The following RBM6 variants were observed in gnomAD, a reference collection of about 807,000 sequenced individuals.
The protein encoded by RBM6 is RNA-binding protein 6.
Under a neutral mutation model 140.4 loss-of-function variants are expected in RBM6, and 23 were observed. That is an observed-to-expected ratio of 0.16 (90% CI 0.12 to 0.23). RBM6 has a LOEUF of 0.23. RBM6 is among the 10% of genes least tolerant of loss of function. The pLI is 1.00. For synonymous variants in RBM6, 439 were observed against 475.6 expected, an observed-to-expected ratio of 0.92 and a Z score of 1.00; for missense variants, 1,139 against 1,386.7, an observed-to-expected ratio of 0.82 and a Z score of 2.84.
At chr3:49,989,993 C>G (rs1350045557) in intron 5 of RBM6, among the ~76,000 whole-genome samples, 1 of 152,100 alleles carries the variant, frequency 6.6e-6, no homozygotes, top group Non-Finnish European at 1.5e-5. Context: ...GTGATCTGCC[C>G]GCCTTGGCTT....
intron 5 of RBM6, among the ~76,000 whole-genome samples, chr3:49,996,454 A>G (rs893532472): frequency 6.6e-6 from 1 of 152,190 alleles, no homozygotes; most frequent in Non-Finnish European, 1.5e-5. Context: ...TACATTTTAC[A>G]TAATTATCCA....
chr3:49,977,609 A>G lies in RBM6; in HGVS notation c.1483+2217A>G, dbSNP rs149747316. On this transcript the variant is annotated intron_variant, in intron 5 of 20. Coordinates refer to ENST00000266022, the MANE Select transcript of RBM6 (RefSeq NM_005777.3). ...AGGAGCCTTATTCCTTCTTGTTTCC[A>G]CCAGTGCTTGACACTCGGTAGGTTC... Among the ~76,000 whole-genome samples, 144 of 152,192 alleles carry G rather than the reference A, an allele frequency of 9.5e-4. 5 individuals are homozygous for G. In the East Asian group the frequency reaches 0.025, roughly 26 times the overall value.
chr3:50,054,049 A>G (rs2089598601), intron 7 of RBM6: 1 of 325,094 alleles, frequency 3.1e-6, no homozygotes, highest in East Asian at 5.5e-5. Context: ...ACCATGTAAC[A>G]GTAGTTTTCT....
At chr3:49,946,060 A>G (rs561390417) in intron 1 of RBM6, among the ~76,000 whole-genome samples, 1 of 152,086 alleles carries the variant, frequency 6.6e-6, no homozygotes, top group Non-Finnish European at 1.5e-5. Context: ...CCTCACCTAA[A>G]ACAAACCTTG....
Position 49,968,322 on chromosome 3 carries a change from T to C in RBM6, c.897T>C (p.Ser299=). Residue 299 remains serine (S), a synonymous_variant, in exon 3 of 21, where the codon TCT becomes TCC. Transcript: ENST00000266022. Reference sequence around the variant, plus strand: ...ATATTTTGGATTACATTCAGCCCTCTACACAAGATAGAGAACATTCTGGTA... The same window carrying C: ...ATATTTTGGATTACATTCAGCCCTCCACACAAGATAGAGAACATTCTGGTA... ...DPNILDYIQP[S]TQDREHSGMN... 2 of 1,614,140 alleles carry C rather than the reference T, an allele frequency of 1.2e-6. No individual in the cohort carries two copies. Among genetic ancestry groups the C allele is most frequent in the Non-Finnish European group, 8.5e-7 (1 of 1,180,028 alleles).
chr3:50,018,581 G>GTTTTTTT (rs58115280), intron 6 of RBM6, among the ~76,000 whole-genome samples: 2 of 63,554 alleles, frequency 3.1e-5, no homozygotes, highest in Non-Finnish European at 5.5e-5. Flanking sequence ...GTAGGAGTGT[G>GTTTTTTT]TTTTTTTTTT....
At chr3:50,052,559 T>C (rs1045140469) in intron 7 of RBM6, among the ~76,000 whole-genome samples, 1 of 152,226 alleles carries the variant, frequency 6.6e-6, no homozygotes, top group East Asian at 1.9e-4. Context: ...TATAGGTTTA[T>C]TCCTAGATTC....
intron 6 of RBM6, among the ~76,000 whole-genome samples, chr3:50,008,935 G>T (rs1373047742): frequency 2.0e-5 from 3 of 152,176 alleles, no homozygotes; most frequent in Non-Finnish European, 4.4e-5. Context: ...CAGTTGTGAG[G>T]TTAGAGTATG....
At chr3:50,031,947 A>G (rs553144840) in intron 6 of RBM6, among the ~76,000 whole-genome samples, 11 of 152,268 alleles carry the variant, frequency 7.2e-5, no homozygotes, top group African/African-American at 2.6e-4. Flanking sequence ...CATCTCCTGT[A>G]CTCCATAAAT....
At chr3:50,039,237 A>T (rs1479217778) in intron 6 of RBM6, among the ~76,000 whole-genome samples, 2 of 151,928 alleles carry the variant, frequency 1.3e-5, no homozygotes, top group Non-Finnish European at 1.5e-5. Flanking sequence ...ATAAATTATT[A>T]TTATTTATTT....
chr3:50,001,181 C>T (rs2086311569), intron 6 of RBM6, among the ~76,000 whole-genome samples: 1 of 152,128 alleles, frequency 6.6e-6, no homozygotes, highest in South Asian at 2.1e-4. Context: ...AAAAATAATA[C>T]AGGCCAGGAG....
intron 11 of RBM6, among the ~76,000 whole-genome samples, 169 bp downstream of exon 11, chr3:50,059,915 C>T (rs773718444): frequency 6.6e-6 from 1 of 152,168 alleles, no homozygotes; most frequent in Non-Finnish European, 1.5e-5. Context: ...TCCTGACTCT[C>T]GAATTGTTTT....
intron 19 of RBM6, among the ~76,000 whole-genome samples, chr3:50,070,816 A>T (rs1303447012): frequency 6.6e-6 from 1 of 152,204 alleles, no homozygotes; most frequent in South Asian, 2.1e-4. Context: ...TGTCTTCATC[A>T]GTAATACTGC....
intron 5 of RBM6, among the ~76,000 whole-genome samples, chr3:49,986,240 C>T (rs1478493733): frequency 2.7e-5 from 4 of 147,778 alleles, no homozygotes; most frequent in African/African-American, 9.9e-5. Flanking sequence ...GTGATCCATT[C>T]GTCTCAGACT....
chr3:50,066,408 C>T lies in RBM6; in HGVS notation c.2849C>T (p.Thr950Ile). ...AAGGAGAATGAAGAAGACAAACTCA[C>T]TGACTGGAATAAACTGGCTTGTCTG... ...TKKENEEDKL[T>I]DWNKLACLLC... The change falls in exon 17 of 21, where the codon ACT (threonine) becomes ATT (isoleucine). Residue 950 changes from threonine (T) to isoleucine (I), a missense_variant. Thr to Ile is a moderately conservative substitution (Grantham distance 89). Transcript: ENST00000266022. 1.2e-6 allele frequency: 2 copies of T among 1,614,044 alleles called. No homozygotes were observed. The highest frequency in any genetic ancestry group is 8.5e-7 in the Non-Finnish European group (1 of 1,180,036).
intron 6 of RBM6, among the ~76,000 whole-genome samples, chr3:50,005,625 A>G (rs2086536016): frequency 6.6e-6 from 1 of 152,192 alleles, no homozygotes; most frequent in Non-Finnish European, 1.5e-5. Flanking sequence ...AAGACATAAT[A>G]CTATCTGAAA....
rs1321486124 is a variant in RBM6, at chr3:49,971,444, C to CA, written c.1324-604dup. ...TGGGCGACAGAGCGACACTCTGTCTCAAAAAAAAAAAGACATTATCTAGTC... is the reference window on the plus strand; with the variant it reads ...TGGGCGACAGAGCGACACTCTGTCTCAAAAAAAAAAAAGACATTATCTAGTC... On this transcript the variant is annotated intron_variant, in intron 3 of 20. Coordinates refer to ENST00000266022, the MANE Select transcript of RBM6 (RefSeq NM_005777.3). Among the ~76,000 whole-genome samples, 89 of 134,088 alleles carry CA rather than the reference C, an allele frequency of 6.6e-4. No individual in the cohort carries two copies. The Middle Eastern group carries it at 0.011, about 17-fold the overall frequency. The allele number at this position is 134,088 out of a possible 152,430, so 88.0% of individuals were successfully genotyped here. A position where few individuals can be genotyped will look rare whatever the true frequency, so the allele number is the denominator to read the frequency against.
chr3:49,997,743 A>T (rs369679618), intron 5 of RBM6, among the ~76,000 whole-genome samples: 11 of 152,202 alleles, frequency 7.2e-5, no homozygotes, highest in African/African-American at 2.7e-4. Flanking sequence ...AATGTTTCCC[A>T]AGAATATTCA....
rs2087184426 is a variant in RBM6, at chr3:50,016,831, T to TTG, written c.1557+17319_1557+17320insGT. On this transcript the variant is annotated intron_variant, in intron 6 of 20. Coordinates refer to ENST00000266022, the MANE Select transcript of RBM6 (RefSeq NM_005777.3). Reference sequence around the variant, plus strand: ...TGTGTCACCATGCCTAGCGTTTTTTTTTTTTTTTTTTTGAGACAGAGTCTC... The same window carrying TTG: ...TGTGTCACCATGCCTAGCGTTTTTTTTGTTTTTTTTTTTTGAGACAGAGTCTC... Among the ~76,000 whole-genome samples the TTG allele has an allele frequency of 1.1e-4, 16 of 150,508 alleles. 1 individual carries two copies. The South Asian group carries it at 3.1e-3, about 29-fold the overall frequency.
Sources: allele counts gnomAD v4.1 joint callset (sites outside exome capture counted in the v4.1 genomes callset), GRCh38; gene constraint gnomAD v4.1.1; transcripts MANE v1.5; gene names NCBI Gene and HGNC (gene_info 2026-07-23, HGNC 2026-07-21).